Variants in ARMC8 observed in about 807,000 individuals in gnomAD.
ARMC8 encodes armadillo repeat containing 8, also known as armadillo repeat-containing protein 8.
A neutral mutation model predicts 99.3 loss-of-function variants in ARMC8; 20 were observed. The ratio of observed to expected loss-of-function variants is 0.20; its 90% confidence interval spans 0.14 to 0.29. The LOEUF is 0.29. Among genes scored for constraint, ARMC8 ranks in the 10% least tolerant of loss-of-function variants. The pLI, the probability that ARMC8 is intolerant of heterozygous loss-of-function variation, is 1.00. For synonymous variants in ARMC8, 263 were observed against 278.3 expected, an observed-to-expected ratio of 0.95 and a Z score of 0.55; for missense variants, 569 against 809.5, an observed-to-expected ratio of 0.70 and a Z score of 3.60.
In ARMC8 at chr3:138,209,981, G is replaced by T. The variant is rs542799447; in HGVS notation, c.122+88G>T. The T allele has an allele frequency of 7.8e-5, 74 of 950,856 alleles. No individual in the cohort carries two copies. In the African/African-American group the frequency reaches 1.2e-3, roughly 15 times the overall value. The allele number at this position is 950,856 out of a possible 1,614,324, so 58.9% of individuals were successfully genotyped here. On this transcript the variant is annotated intron_variant, in intron 2 of 21. Coordinates refer to ENST00000469044, the MANE Select transcript of ARMC8 (RefSeq NM_001363941.2). ...CATATTTTAATTTTGAAAATACAGGGTTATACCTTTTTTCTTTCATTTGGC... is the reference window on the plus strand; with the variant it reads ...CATATTTTAATTTTGAAAATACAGGTTTATACCTTTTTTCTTTCATTTGGC...
intron 17 of ARMC8, among the ~76,000 whole-genome samples, chr3:138,273,392 T>C (rs2048966623): frequency 6.6e-6 from 1 of 152,158 alleles, no homozygotes; most frequent in African/African-American, 2.4e-5. Context: ...GTGCCTACCT[T>C]GATTTGTTAC....
intron 18 of ARMC8, among the ~76,000 whole-genome samples, chr3:138,280,323 T>TA (rs1162068033): frequency 6.6e-6 from 1 of 151,320 alleles, no homozygotes; most frequent in African/African-American, 2.4e-5. Flanking sequence ...ATTATTATTA[T>TA]TATATATATT....
rs2046646441 is a variant in ARMC8 at position 138,241,970 on chromosome 3, C to G, written c.1025C>G (p.Thr342Ser). Residue 342 changes from threonine to serine, a missense_variant, in exon 11 of 22, where the codon ACT becomes AGT. Thr to Ser is a moderately conservative substitution (Grantham distance 58, BLOSUM62 1). This residue lies in a region of ARMC8 where 227 missense variants were observed against 417.9 expected (regional missense o/e 0.54). Coordinates refer to ENST00000469044, the MANE Select transcript of ARMC8 (RefSeq NM_001363941.2). ...TATCCCAGCTCAGTGAGTGCCATCA[C>G]TGATATTAAAAGGGTATGTTATTTT... ...FKYPSSVSAI[T>S]DIKRLDHDLK... is the part of the protein sequence containing the mutation. The G allele has an allele frequency of 6.2e-7, 1 of 1,613,862 alleles. No homozygotes were observed. Among genetic ancestry groups the G allele is most frequent in the Admixed American group, 1.7e-5 (1 of 60,022 alleles).
At chr3:138,285,605 T>C (rs1223952523) in intron 19 of ARMC8, among the ~76,000 whole-genome samples, 1 of 152,214 alleles carries the variant, frequency 6.6e-6, no homozygotes, top group Non-Finnish European at 1.5e-5. Context: ...CCCTTATAGA[T>C]TATTCCTCAT....
At chr3:138,288,984 C>T in intron 19 of ARMC8, 64 bp from the exon 20 acceptor site, 2 of 1,353,102 alleles carry the variant, frequency 1.5e-6, no homozygotes, top group East Asian at 5.0e-5. Flanking sequence ...TAGGTCCCCC[C>T]AAAAAAAAAT....
intron 1 of ARMC8, among the ~76,000 whole-genome samples, chr3:138,204,354 C>T (rs2044245841): frequency 6.6e-6 from 1 of 152,186 alleles, no homozygotes; most frequent in South Asian, 2.1e-4. Context: ...CAGTTCTCTC[C>T]CTTCTCATGC....
chr3:138,192,532 C>T (rs180876007), intron 1 of ARMC8, among the ~76,000 whole-genome samples: 7 of 152,226 alleles, frequency 4.6e-5, no homozygotes, highest in African/African-American at 1.7e-4. Context: ...CCTTCTCGGC[C>T]TCCCAGAGTG....
At chr3:138,256,497 G>A (rs1203428441) in intron 12 of ARMC8, among the ~76,000 whole-genome samples, 3 of 134,094 alleles carry the variant, frequency 2.2e-5, no homozygotes, top group African/African-American at 5.6e-5. Context: ...TGCAAGCTCC[G>A]CCTCCTGGGT....
intron 6 of ARMC8, among the ~76,000 whole-genome samples, chr3:138,231,260 AC>A (rs1302475359): frequency 6.6e-6 from 1 of 152,134 alleles, no homozygotes; most frequent in Non-Finnish European, 1.5e-5. Context: ...TAAATATAAA[AC>A]CCTTTTATTT....
intron 9 of ARMC8, 73 bp downstream of exon 9, chr3:138,237,645 TTTGC>T: frequency 7.8e-7 from 1 of 1,277,020 alleles, no homozygotes; most frequent in South Asian, 1.4e-5. Context: ...GACAACCAAA[TTTGC>T]TTGCTTCCAA....
chr3:138,255,952 T>C (rs1372050271), intron 12 of ARMC8, among the ~76,000 whole-genome samples: 1 of 151,928 alleles, frequency 6.6e-6, no homozygotes, highest in East Asian at 1.9e-4. Flanking sequence ...GGCGACAGAG[T>C]GAGACTCCAT....
chr3:138,194,129 G>A (rs1325465823), intron 1 of ARMC8, among the ~76,000 whole-genome samples: 6 of 149,254 alleles, frequency 4.0e-5, no homozygotes, highest in Admixed American at 2.7e-4. Flanking sequence ...TGCAACCTCC[G>A]CCTCCTGGGT....
intron 6 of ARMC8, among the ~76,000 whole-genome samples, chr3:138,231,238 A>G (rs1227055729): frequency 6.6e-6 from 1 of 152,222 alleles, no homozygotes; most frequent in Non-Finnish European, 1.5e-5. Flanking sequence ...CCAATGGTCC[A>G]TGTATTGTCA....
chr3:138,197,590 T>G (rs2043810521), intron 1 of ARMC8, among the ~76,000 whole-genome samples: 1 of 152,232 alleles, frequency 6.6e-6, no homozygotes, highest in Non-Finnish European at 1.5e-5. Flanking sequence ...TTGGGTCATC[T>G]TATCACCTTG....
At chr3:138,272,640 G>T (rs2048901477) in intron 16 of ARMC8, among the ~76,000 whole-genome samples, 1 of 152,196 alleles carries the variant, frequency 6.6e-6, no homozygotes. Flanking sequence ...ACTTTGGAAG[G>T]CCAAAGCAAG....
Position 138,289,045 on chromosome 3 carries a change from T to C in ARMC8, c.1822-3T>C. ...ATTTTTTTTTCTTTTTCTGTATTAA[T>C]AGGGCCATTCACATGTTAAACTGCA... On this transcript the variant is annotated splice_polypyrimidine_tract_variant and splice_region_variant and intron_variant, in intron 19 of 21. Transcript: ENST00000469044. 1 of 1,611,622 alleles carries C rather than the reference T, an allele frequency of 6.2e-7. No individual in the cohort carries two copies.
chr3:138,209,795 A>C (rs1481421136), intron 1 of ARMC8, 22 bp from the exon 2 acceptor site: 10 of 1,610,036 alleles, frequency 6.2e-6, no homozygotes, highest in Non-Finnish European at 8.5e-6. Context: ...CAGATGTCAT[A>C]ATTTTTCCCC....
At chr3:138,250,234 G>A (rs1487613097) in intron 12 of ARMC8, among the ~76,000 whole-genome samples, 2 of 152,050 alleles carry the variant, frequency 1.3e-5, no homozygotes, top group Non-Finnish European at 2.9e-5. Flanking sequence ...GTGATATAAT[G>A]TACTTAAAAT....
chr3:138,263,970 G>T, intron 13 of ARMC8, 149 bp downstream of exon 13: 1 of 961,078 alleles, frequency 1.0e-6, no homozygotes, highest in Admixed American at 2.0e-5. Context: ...TTGTCTAACA[G>T]AGAGCCTGGC....
Sources: allele counts gnomAD v4.1 joint callset (sites outside exome capture counted in the v4.1 genomes callset), GRCh38; gene constraint gnomAD v4.1.1; regional missense constraint gnomAD v4.1.1; transcripts MANE v1.5; gene names NCBI Gene and HGNC (gene_info 2026-07-23, HGNC 2026-07-21).